Variants in MGA observed in about 807,000 individuals in gnomAD.
MGA encodes MAX dimerization protein MGA.
In MGA, 40 loss-of-function variants were observed where a neutral mutation model predicts 261.1. The observed-to-expected ratio is 0.15, with a 90% CI of 0.12 to 0.20. MGA has a LOEUF of 0.20. Among genes scored for constraint, MGA ranks in the 10% least tolerant of loss-of-function variants. MGA has a pLI of 1.00. For missense variants in MGA, 3,397 were observed against 3,630.5 expected, an observed-to-expected ratio of 0.94 and a Z score of 1.65; for synonymous variants, 1,302 against 1,290.6, an observed-to-expected ratio of 1.01 and a Z score of -0.19.
In MGA at chr15:41,669,687, A is replaced by C. The variant is rs770164099; in HGVS notation, c.793A>C (p.Asn265His). Residue 265 changes from asparagine (N) to histidine (H), a missense_variant, in exon 2 of 24, where the codon AAT (asparagine) becomes CAT (histidine). Transcript: ENST00000219905. ...AGGCTTTCGGGATGATGGGCTGAAT[A>C]ATAAGCCCCAGAGAGATGGAAAACA... 6.2e-7 allele frequency: 1 copy of C among 1,613,662 alleles called. No homozygotes were observed. The highest frequency in any genetic ancestry group is 1.7e-5 in the Admixed American group (1 of 59,926).
intron 11 of MGA, among the ~76,000 whole-genome samples, chr15:41,733,146 CG>C (rs2061598485): frequency 6.6e-6 from 1 of 151,926 alleles, no homozygotes; most frequent in Non-Finnish European, 1.5e-5. Context: ...TTAGTTGAGA[CG>C]GGGTTTTACC....
chr15:41,625,226 A>G (rs1478531272), intron 1 of MGA, among the ~76,000 whole-genome samples: 1 of 152,214 alleles, frequency 6.6e-6, no homozygotes. Flanking sequence ...TGATACAGTT[A>G]TTACAAAAAA....
rs540751319 is a variant in MGA at position 41,675,747 on chromosome 15, C to T, written c.1064+5789C>T. ...GTAAGTAGAAATTCATCTTTGCCAT[C>T]CCCTTTTGTATGTTTACCTATTTCT... On this transcript the variant is annotated intron_variant, in intron 2 of 23. Coordinates refer to ENST00000219905, the MANE Select transcript of MGA (RefSeq NM_001164273.2). Among the ~76,000 whole-genome samples the T allele has an allele frequency of 1.1e-4, 16 of 152,126 alleles. No individual in the cohort carries two copies. In the South Asian group the frequency reaches 2.5e-3, roughly 24 times the overall value.
Position 41,676,424 on chromosome 15 carries a change from G to A in MGA, c.1064+6466G>A, listed in dbSNP as rs148528944. On this transcript the variant is annotated intron_variant, in intron 2 of 23. Coordinates refer to ENST00000219905, the MANE Select transcript of MGA (RefSeq NM_001164273.2). Reference sequence around the variant, plus strand: ...CCGCCTTGGCCTCCCCAAGTGCCGGGATTACAGGCGTGAGCCACCGTGCCT... The same window carrying A: ...CCGCCTTGGCCTCCCCAAGTGCCGGAATTACAGGCGTGAGCCACCGTGCCT... Among the ~76,000 whole-genome samples the A allele has an allele frequency of 5.9e-5, 9 of 152,324 alleles. No homozygotes were observed. In the East Asian group the frequency reaches 1.7e-3, roughly 29 times the overall value.
chr15:41,766,084 G>A lies in MGA; in HGVS notation c.8002G>A (p.Gly2668Ser). The A allele has an allele frequency of 6.2e-7, 1 of 1,613,896 alleles. No homozygotes were observed. The highest frequency in any genetic ancestry group is 8.5e-7 in the Non-Finnish European group (1 of 1,179,860). ...AGAGGGAGGTTTGGTAGATATGGGT[G>A]GCAGCAAATATCCTCATGAAGTTCC... Residue 2668 changes from glycine to serine, a missense_variant, in exon 24 of 24, where the codon GGC becomes AGC. Around this residue, in one of 9 missense-constraint regions of MGA, gnomAD observed 647 missense variants for 642.4 expected, o/e 1.01. Transcript: ENST00000219905.
rs1325445574 is a variant in MGA at position 41,767,655 on chromosome 15, A to C, written c.*375A>C. ...GTTTGCAACTTTGGAGTTGCTGTAG[A>C]CTGAACTGTAGCTTGTAGCTGTTGA... is the stretch of plus-strand genomic sequence containing the variant. On this transcript the variant is annotated 3_prime_UTR_variant, in exon 24 of 24. Coordinates refer to ENST00000219905, the MANE Select transcript of MGA (RefSeq NM_001164273.2). 1 of 226,382 alleles carries C rather than the reference A, an allele frequency of 4.4e-6. No individual in the cohort carries two copies. The highest frequency in any genetic ancestry group is 8.8e-6 in the Non-Finnish European group (1 of 113,630). The allele number at this position is 226,382 out of a possible 1,614,324, so 14.0% of individuals were successfully genotyped here.
At position 41,766,105 on chromosome 15, in the gene MGA, G is replaced by C. The variant is rs1213712541; in HGVS notation, c.8023G>C (p.Val2675Leu). ...GGGTGGCAGCAAATATCCTCATGAA[G>C]TTCCTGATAGCAAGCCATCTGACCA... The change falls in exon 24 of 24, where the codon GTT becomes CTT. Residue 2675 changes from valine to leucine, a missense_variant. Val to Leu is a conservative substitution (Grantham distance 32). Coordinates refer to ENST00000219905, the MANE Select transcript of MGA (RefSeq NM_001164273.2). The C allele has an allele frequency of 6.2e-7, 1 of 1,613,872 alleles. No individual in the cohort carries two copies. Among genetic ancestry groups the C allele is most frequent in the African/African-American group, 1.3e-5 (1 of 74,916 alleles).
At chr15:41,656,856 A>T (rs953760797), upstream of MGA, among the ~76,000 whole-genome samples, 1 of 152,180 alleles carries the variant, frequency 6.6e-6, no homozygotes, top group Non-Finnish European at 1.5e-5. Flanking sequence ...AGCTCACTGT[A>T]GCCTCGACCT....
At position 41,768,223 on chromosome 15, in the gene MGA, C is replaced by G. The variant is rs1317250505; in HGVS notation, c.*943C>G. On this transcript the variant is annotated 3_prime_UTR_variant, in exon 24 of 24. Transcript: ENST00000219905. ...AAGGTTTCATTCACTATTACCTGCA[C>G]AGGATGTAAAGAAAAGTCACAGTAG... The G allele has an allele frequency of 6.6e-6, 1 of 152,592 alleles. No individual in the cohort carries two copies. Among genetic ancestry groups the G allele is most frequent in the African/African-American group, 2.4e-5 (1 of 41,436 alleles). The allele number at this position is 152,592 out of a possible 1,614,324, so 9.5% of individuals were successfully genotyped here. A position where few individuals can be genotyped will look rare whatever the true frequency, so the allele number is the denominator to read the frequency against.
chr15:41,645,610 T>G (rs2056921590), intron 1 of MGA, among the ~76,000 whole-genome samples: 1 of 152,184 alleles, frequency 6.6e-6, no homozygotes, highest in African/African-American at 2.4e-5. Flanking sequence ...GATTCTTTGA[T>G]TTTTAAAACA....
In MGA at chr15:41,749,206, G is replaced by A. The variant is rs754889992; in HGVS notation, c.5599G>A (p.Val1867Ile). The A allele has an allele frequency of 2.2e-4, 357 of 1,613,874 alleles. 1 individual carries two copies. Among genetic ancestry groups the A allele is most frequent in the Middle Eastern group, 1.2e-3 (7 of 6,084 alleles). ...CTCTGCTTTCTCTGTCATGAATCCT[G>A]TAATTCAAGCTGTTGGGTCTTCTTC... Residue 1867 changes from valine to isoleucine, a missense_variant, in exon 17 of 24, where the codon GTA becomes ATA. Coordinates refer to ENST00000219905, the MANE Select transcript of MGA (RefSeq NM_001164273.2).
chr15:41,653,186 G>T (rs1483516284), intron 1 of MGA, among the ~76,000 whole-genome samples: 2 of 151,968 alleles, frequency 1.3e-5, no homozygotes, highest in African/African-American at 4.8e-5. Flanking sequence ...GGCCAAGATG[G>T]CTAAACCCCA....
intron 1 of MGA, among the ~76,000 whole-genome samples, chr15:41,633,734 C>A (rs1359975855): frequency 2.0e-5 from 3 of 152,064 alleles, no homozygotes; most frequent in Admixed American, 6.6e-5. Context: ...GTGATATATT[C>A]TTAATATGGC....
chr15:41,672,447 AC>A (rs1196959202), intron 2 of MGA, among the ~76,000 whole-genome samples: 1 of 152,166 alleles, frequency 6.6e-6, no homozygotes, highest in Non-Finnish European at 1.5e-5. Flanking sequence ...GAGCTGCCAC[AC>A]CCAGCCAGGC....
chr15:41,724,167 A>G (rs2061102606), intron 9 of MGA, among the ~76,000 whole-genome samples: 1 of 152,194 alleles, frequency 6.6e-6, no homozygotes, highest in Non-Finnish European at 1.5e-5. Context: ...TGCGTGTACA[A>G]AATAATTAGC....
chr15:41,708,157 A>G lies in MGA; in HGVS notation c.2374A>G (p.Ile792Val). ...AGGGAAAACCAATGATTTCACTAAGATCAAGGGATGGAGGGGAAAATTTCA... is the reference window on the plus strand; with the variant it reads ...AGGGAAAACCAATGATTTCACTAAGGTCAAGGGATGGAGGGGAAAATTTCA... Residue 792 changes from isoleucine to valine, a missense_variant, in exon 7 of 24, where the codon ATC becomes GTC. Around this residue, in one of 9 missense-constraint regions of MGA, gnomAD observed 519 missense variants for 554.1 expected, o/e 0.94. Coordinates refer to ENST00000219905, the MANE Select transcript of MGA (RefSeq NM_001164273.2). The G allele has an allele frequency of 6.2e-7, 1 of 1,602,702 alleles. No homozygotes were observed. Among genetic ancestry groups the G allele is most frequent in the Non-Finnish European group, 8.5e-7 (1 of 1,174,268 alleles).
At chr15:41,747,251 C>T (rs950012179) in intron 15 of MGA, among the ~76,000 whole-genome samples, 2 of 151,860 alleles carry the variant, frequency 1.3e-5, no homozygotes, top group African/African-American at 4.8e-5. Flanking sequence ...AAAATAATTC[C>T]CACAAACCTT....
chr15:41,754,360 AG>A (rs1172662096), intron 17 of MGA, 76 bp from the exon 18 acceptor site: 10 of 1,387,478 alleles, frequency 7.2e-6, no homozygotes, highest in Non-Finnish European at 9.5e-6. Flanking sequence ...TGGTTTTATA[AG>A]GGGAACAAAC....
chr15:41,763,884 G>T (rs983152640), intron 22 of MGA, among the ~76,000 whole-genome samples: 1 of 152,120 alleles, frequency 6.6e-6, no homozygotes, highest in Non-Finnish European at 1.5e-5. Context: ...CTGGCTGGGC[G>T]CAGTGGCTCA....
Sources: gnomAD v4.1 joint callset for allele counts (sites outside exome capture counted in the v4.1 genomes callset) on GRCh38, gnomAD v4.1.1 for gene constraint, gnomAD v4.1.1 regional missense constraint, MANE v1.5 for transcripts, NCBI Gene and HGNC (gene_info 2026-07-23, HGNC 2026-07-21) for gene names.